SEMA4F: variants seen among roughly 807,000 people sequenced by gnomAD.
SEMA4F encodes the protein semaphorin-4F.
A neutral mutation model predicts 78.4 loss-of-function variants in SEMA4F; 51 were observed. That is an observed-to-expected ratio of 0.65 (90% CI 0.52 to 0.82). The LOEUF (loss-of-function observed/expected upper bound fraction) is 0.82, where lower values mean the gene tolerates loss of function less well. Ranked by LOEUF, SEMA4F falls within the 40% of genes least tolerant of loss-of-function variation. The pLI is 0.00. For missense variants in SEMA4F, 938 were observed against 1,014.4 expected (o/e 0.92, Z 1.02); for synonymous variants, 418 against 408.7 (o/e 1.02, Z -0.27).
At chr2:74,700,291 G>A in the SEMA4F span, among the ~76,000 whole-genome samples, 1 of 152,190 alleles carries the variant, frequency 6.6e-6, no homozygotes, top group East Asian at 1.9e-4. Flanking sequence ...AGTAGATGAG[G>A]TCATCTGTTG....
rs2104896505 is a variant in SEMA4F, at chr2:74,654,533, A to G, written c.145+12A>G. ...GCTTCCAATCTCTGGTAAGGCGCGG[A>G]CGCCCACGCCCTCAGCCCTTCGCGC... On this transcript the variant is annotated intron_variant, in intron 1 of 13. Coordinates refer to ENST00000357877, the MANE Select transcript of SEMA4F (RefSeq NM_004263.5). 1 of 1,534,852 alleles carries G rather than the reference A, an allele frequency of 6.5e-7. No individual in the cohort carries two copies. Among genetic ancestry groups the G allele is most frequent in the South Asian group, 1.2e-5 (1 of 82,252 alleles).
Position 74,673,508 on chromosome 2 carries a change from T to C in SEMA4F, c.602T>C (p.Ile201Thr). The C allele has an allele frequency of 6.2e-7, 1 of 1,614,136 alleles. No homozygotes were observed. Among genetic ancestry groups the C allele is most frequent in the Non-Finnish European group, 8.5e-7 (1 of 1,180,034 alleles). Residue 201 changes from isoleucine to threonine, a missense_variant, in exon 6 of 14, where the codon ATT becomes ACT. Coordinates refer to ENST00000357877, the MANE Select transcript of SEMA4F (RefSeq NM_004263.5). ...AAAAACTACCTGGGGACGGAGCCAATTATCACCAGAGCAGTGGGTCGTGCC... is the reference window on the plus strand; with the variant it reads ...AAAAACTACCTGGGGACGGAGCCAACTATCACCAGAGCAGTGGGTCGTGCC... ...TVKNYLGTEP[I>T]ITRAVGRAED...
chr2:74,706,745 T>G, the SEMA4F span, among the ~76,000 whole-genome samples: 5 of 152,254 alleles, frequency 3.3e-5, no homozygotes, highest in Non-Finnish European at 7.3e-5. Flanking sequence ...ACCACTTTTG[T>G]GTCATTGATT....
chr2:74,698,969 A>T, the SEMA4F span, among the ~76,000 whole-genome samples: 4 of 150,350 alleles, frequency 2.7e-5, no homozygotes, highest in African/African-American at 7.3e-5. Flanking sequence ...GTTTGAGGGA[A>T]TTTTTTTTTT....
chr2:74,698,124 T>C, the SEMA4F span, among the ~76,000 whole-genome samples: 1 of 152,204 alleles, frequency 6.6e-6, no homozygotes, highest in Non-Finnish European at 1.5e-5. Context: ...TTAGGGACCA[T>C]AGATTTCCCC....
chr2:74,679,988 G>GTGGGCC lies in SEMA4F; in HGVS notation c.2096_2101dup (p.Gly699_Leu700dup). ...GAGGGAACTTCTGGCTAGAGACAAG[G>GTGGGCC]TGGGCCTGGACCTGGGGGCTCCACC... is the stretch of plus-strand genomic sequence containing the variant. On this transcript the variant is annotated inframe_insertion, in exon 14 of 14. Coordinates refer to ENST00000357877, the MANE Select transcript of SEMA4F (RefSeq NM_004263.5). The GTGGGCC allele has an allele frequency of 6.2e-7, 1 of 1,614,214 alleles. No homozygotes were observed. Among genetic ancestry groups the GTGGGCC allele is most frequent in the Non-Finnish European group, 8.5e-7 (1 of 1,180,046 alleles).
rs769130026 is a variant in SEMA4F, at chr2:74,679,952, C to T, written c.2056C>T (p.Arg686Ter). Residue 686 changes from arginine (R) to a stop codon, truncating the protein, a stop_gained, in exon 14 of 14, where the codon CGA becomes TGA. Coordinates refer to ENST00000357877, the MANE Select transcript of SEMA4F (RefSeq NM_004263.5). LOFTEE classifies it high-confidence loss of function. ...CATTCTGATTGGTCGGCGTCAGCAG[C>T]GACGGCGACAGAGGGAACTTCTGGC... ...TLILIGRRQQ[R>*]RRQRELLARD... is the part of the protein sequence containing the mutation. 2.5e-6 allele frequency: 4 copies of T among 1,614,218 alleles called. No homozygotes were observed. Among genetic ancestry groups the T allele is most frequent in the Non-Finnish European group, 1.7e-6 (2 of 1,180,040 alleles).
the SEMA4F span, among the ~76,000 whole-genome samples, chr2:74,700,255 C>A: frequency 6.6e-6 from 1 of 152,050 alleles, no homozygotes; most frequent in Non-Finnish European, 1.5e-5. Context: ...GGGTAGAGGG[C>A]AAGATGTCTA....
chr2:74,676,249 G>A (rs771527545), intron 12 of SEMA4F, among the ~76,000 whole-genome samples: 7 of 152,142 alleles, frequency 4.6e-5, no homozygotes, highest in Non-Finnish European at 7.3e-5. Context: ...CTTTCCTCTT[G>A]CTCTCTATGA....
intron 1 of SEMA4F, among the ~76,000 whole-genome samples, chr2:74,654,946 T>C (rs555371964): frequency 6.6e-6 from 1 of 152,358 alleles, no homozygotes; most frequent in African/African-American, 2.4e-5. Context: ...TCATTCCAGC[T>C]TGACGCCCAC....
chr2:74,673,401 C>T (rs565427213), intron 5 of SEMA4F, 56 bp from the exon 6 acceptor site: 1 of 1,606,678 alleles, frequency 6.2e-7, no homozygotes, highest in Admixed American at 1.7e-5. Flanking sequence ...CCTGTGACCT[C>T]TGTTGCTTCC....
intron 1 of SEMA4F, chr2:74,655,193 C>T (rs1684063825): frequency 3.5e-6 from 1 of 284,146 alleles, no homozygotes; most frequent in Non-Finnish European, 7.8e-6. Context: ...GCTGCCTCTG[C>T]CCATTCCCTA....
intron 12 of SEMA4F, 126 bp downstream of exon 12, chr2:74,676,035 T>A: frequency 1.0e-6 from 1 of 981,800 alleles, no homozygotes; most frequent in Non-Finnish European, 1.5e-6. Flanking sequence ...TGTTAGTGTC[T>A]ACATCACTCG....
chr2:74,699,750 A>G, the SEMA4F span, among the ~76,000 whole-genome samples: 1 of 152,222 alleles, frequency 6.6e-6, no homozygotes, highest in South Asian at 2.1e-4. Flanking sequence ...GAGTGTTACC[A>G]TAGAAACTCA....
chr2:74,656,440 G>T, intron 1 of SEMA4F, 94 bp from the exon 2 acceptor site: 2 of 1,310,266 alleles, frequency 1.5e-6, no homozygotes, highest in Non-Finnish European at 2.1e-6. Flanking sequence ...AATGGTACTT[G>T]GAAGAAAACA....
At position 74,680,068 on chromosome 2, in the gene SEMA4F, G is replaced by T; in HGVS notation, c.2172G>T (p.Glu724Asp). Residue 724 changes from glutamate (E) to aspartate (D), a missense_variant, in exon 14 of 14, where the codon GAG becomes GAT. Coordinates refer to ENST00000357877, the MANE Select transcript of SEMA4F (RefSeq NM_004263.5). ...QDPPSPSPED[E>D]RLPLALAKRG... ...CTCCCTCCCCCTCTCCTGAAGATGA[G>T]CGGTTGCCGCTGGCCCTGGCCAAGA... The T allele has an allele frequency of 6.2e-7, 1 of 1,614,092 alleles. No individual in the cohort carries two copies. Among genetic ancestry groups the T allele is most frequent in the Admixed American group, 1.7e-5 (1 of 60,036 alleles).
At chr2:74,664,674 T>A (rs1027561861) in intron 5 of SEMA4F, among the ~76,000 whole-genome samples, 4 of 152,220 alleles carry the variant, frequency 2.6e-5, no homozygotes, top group Non-Finnish European at 5.9e-5. Flanking sequence ...ATTTTGAGTC[T>A]AAAAATGACA....
chr2:74,697,024 G>A, the SEMA4F span, among the ~76,000 whole-genome samples: 1 of 152,128 alleles, frequency 6.6e-6, no homozygotes, highest in South Asian at 2.1e-4. Context: ...GATTTGCAAG[G>A]TCAAAGAGTA....
At chr2:74,685,948 C>T (rs1317033877), downstream of SEMA4F, among the ~76,000 whole-genome samples, 1 of 152,046 alleles carries the variant, frequency 6.6e-6, no homozygotes, top group Non-Finnish European at 1.5e-5. Flanking sequence ...AGCCAACAGA[C>T]ACAGGAAAAA....
Sources: gnomAD v4.1 joint callset for allele counts (sites outside exome capture counted in the v4.1 genomes callset) on GRCh38, gnomAD v4.1.1 for gene constraint, MANE v1.5 for transcripts, NCBI Gene and HGNC (gene_info 2026-07-23, HGNC 2026-07-21) for gene names.